Variants in YES1 observed in about 807,000 individuals in gnomAD.
YES1 encodes the protein tyrosine-protein kinase Yes.
Under a neutral mutation model 70.4 loss-of-function variants are expected in YES1, and 39 were observed. The observed-to-expected ratio is 0.55, with a 90% CI of 0.43 to 0.72. The LOEUF is 0.72. Ranked by LOEUF, YES1 falls within the 30% of genes least tolerant of loss-of-function variation. The pLI, the probability that YES1 is intolerant of heterozygous loss-of-function variation, is 0.00. For synonymous variants in YES1, 198 were observed against 218.6 expected (o/e 0.91, Z 0.83); for missense variants, 495 against 644.8 (o/e 0.77, Z 2.52).
chr18:806,493 A>T (rs1483998418), intron 1 of YES1, among the ~76,000 whole-genome samples: 2 of 152,230 alleles, frequency 1.3e-5, no homozygotes, highest in African/African-American at 4.8e-5. Flanking sequence ...TACTCAAAAG[A>T]TTTGTTTTGT....
In YES1 at chr18:757,319, C is replaced by T. The variant is rs369941496; in HGVS notation, c.-8-484G>A. On this transcript the variant is annotated intron_variant, in intron 1 of 11. Transcript: ENST00000314574. ...GAGATTGAGACCATCCTGGCTAACA[C>T]GGTGAAACCCCGCCTCTACTAAAAA... Among the ~76,000 whole-genome samples, 628 of 151,638 alleles carry T rather than the reference C, an allele frequency of 4.1e-3. 3 individuals carry two copies. The highest frequency in any genetic ancestry group is 0.028 in the Middle Eastern group (8 of 290).
intron 2 of YES1, 33 bp downstream of exon 2, chr18:756,524 A>G: frequency 2.5e-6 from 4 of 1,611,308 alleles, no homozygotes; most frequent in East Asian, 2.2e-5. Flanking sequence ...GATGTTCTCA[A>G]ACAGACAACA....
rs1440418777 is a variant in YES1, at chr18:723,628, T to C, written c.*796A>G. 2.0e-5 allele frequency: 3 copies of C among 152,670 alleles called. No homozygotes were observed. The highest frequency in any genetic ancestry group is 7.2e-5 in the African/African-American group (3 of 41,462). The allele number at this position is 152,670 out of a possible 1,614,324, so 9.5% of individuals were successfully genotyped here. A position where few individuals can be genotyped will look rare whatever the true frequency, so the allele number is the denominator to read the frequency against. On this transcript the variant is annotated 3_prime_UTR_variant, in exon 12 of 12. Coordinates refer to ENST00000314574, the MANE Select transcript of YES1 (RefSeq NM_005433.4). ...AAAGATCAAAACATTTCCCCTTTGA[T>C]TGGACAGTAGTTTCAATTATATATT...
intron 1 of YES1, among the ~76,000 whole-genome samples, chr18:805,695 A>G (rs889898699): frequency 6.6e-6 from 1 of 152,200 alleles, no homozygotes; most frequent in African/African-American, 2.4e-5. Flanking sequence ...TGCTCCTTCC[A>G]AATGTCTGGC....
chr18:729,795 T>A (rs1429206104), intron 11 of YES1, among the ~76,000 whole-genome samples: 1 of 151,838 alleles, frequency 6.6e-6, no homozygotes, highest in Non-Finnish European at 1.5e-5. Context: ...GCTGGCTAAT[T>A]TTTGTATTTT....
intron 11 of YES1, among the ~76,000 whole-genome samples, chr18:731,696 G>A (rs1361635276): frequency 2.0e-5 from 3 of 152,058 alleles, no homozygotes; most frequent in Admixed American, 6.6e-5. Flanking sequence ...GGCCAGGCAC[G>A]GTGGCTCACG....
chr18:792,585 G>GTATATACA (rs1568216947), intron 1 of YES1, among the ~76,000 whole-genome samples: 1 of 140,150 alleles, frequency 7.1e-6, no homozygotes, highest in Admixed American at 7.3e-5. Context: ...GTGTGTGTGT[G>GTATATACA]TATATACATA....
chr18:808,175 C>T (rs1225280951), intron 1 of YES1, among the ~76,000 whole-genome samples: 1 of 152,180 alleles, frequency 6.6e-6, no homozygotes, highest in African/African-American at 2.4e-5. Context: ...TCTGCTAGTT[C>T]CAAGACAACA....
chr18:776,610 TC>T (rs1202141067), intron 1 of YES1, among the ~76,000 whole-genome samples: 2 of 152,148 alleles, frequency 1.3e-5, no homozygotes, highest in Non-Finnish European at 2.9e-5. Context: ...TACTCCTGTA[TC>T]CCCAGAACCT....
Position 747,937 on chromosome 18 carries a change from A to C in YES1, c.453T>G (p.Asp151Glu). Residue 151 changes from aspartate (D) to glutamate (E), a missense_variant, in exon 4 of 12, where the codon GAT becomes GAG. Asp to Glu is a conservative substitution (Grantham distance 45, BLOSUM62 2). Transcript: ENST00000314574. ...TGCCATACTCTTCTGCCTGAATGGA[A>C]TCTGCAGGCGCTACATAATTGCTCG... Reference protein sequence around the residue: ...YIPSNYVAPADSIQAEEWYFG... With the variant: ...YIPSNYVAPAESIQAEEWYFG... The C allele has an allele frequency of 6.2e-7, 1 of 1,613,520 alleles. No individual in the cohort carries two copies. The highest frequency in any genetic ancestry group is 8.5e-7 in the Non-Finnish European group (1 of 1,179,830).
intron 3 of YES1, among the ~76,000 whole-genome samples, chr18:749,692 A>G (rs891314113): frequency 4.8e-5 from 7 of 144,574 alleles, no homozygotes; most frequent in African/African-American, 1.6e-4. Flanking sequence ...CGTCTCTACT[A>G]AAAAAAAAAC....
intron 6 of YES1, 102 bp downstream of exon 6, chr18:745,606 G>A: frequency 8.7e-7 from 1 of 1,144,672 alleles, no homozygotes; most frequent in East Asian, 2.3e-5. Flanking sequence ...TGTATTATGT[G>A]TAAATAAGTG....
intron 1 of YES1, among the ~76,000 whole-genome samples, chr18:769,954 GTTC>G (rs1297907082): frequency 1.5e-5 from 2 of 130,966 alleles, no homozygotes; most frequent in Admixed American, 8.1e-5. Flanking sequence ...TTCTCTTCCT[GTTC>G]TTTTTTTTTT....
chr18:811,887 T>G (rs1317425412), intron 1 of YES1, among the ~76,000 whole-genome samples: 1 of 152,014 alleles, frequency 6.6e-6, no homozygotes, highest in Non-Finnish European at 1.5e-5. Flanking sequence ...CCGGCAGGTC[T>G]GGACAGGGCA....
chr18:801,820 T>C (rs950895034), intron 1 of YES1, among the ~76,000 whole-genome samples: 1 of 152,216 alleles, frequency 6.6e-6, no homozygotes, highest in African/African-American at 2.4e-5. Flanking sequence ...TGTTTCTTTA[T>C]TCTTTTGATG....
At chr18:810,965 T>C (rs1488519368) in intron 1 of YES1, among the ~76,000 whole-genome samples, 1 of 152,182 alleles carries the variant, frequency 6.6e-6, no homozygotes, top group African/African-American at 2.4e-5. Flanking sequence ...AGTTAAGATA[T>C]TAGATTTACC....
chr18:729,619 C>CTTTTTTTTTTTTTTT (rs869223956), intron 11 of YES1, among the ~76,000 whole-genome samples: 2 of 75,384 alleles, frequency 2.7e-5, no homozygotes, highest in Non-Finnish European at 4.6e-5. Flanking sequence ...TGATTTTGAA[C>CTTTTTTTTTTTTTTT]TTTTTTTTTT....
At chr18:727,903 A>G (rs2080040807) in intron 11 of YES1, among the ~76,000 whole-genome samples, 1 of 152,168 alleles carries the variant, frequency 6.6e-6, no homozygotes, top group African/African-American at 2.4e-5. Context: ...TCCTGCGTAG[A>G]TAATATATAG....
intron 6 of YES1, 97 bp from the exon 7 acceptor site, chr18:743,512 A>C: frequency 9.6e-7 from 1 of 1,038,118 alleles, no homozygotes; most frequent in Non-Finnish European, 1.3e-6. Flanking sequence ...GAAAAACAAA[A>C]ACAGAAGTCC....
Sources: allele counts gnomAD v4.1 joint callset (sites outside exome capture counted in the v4.1 genomes callset), GRCh38; gene constraint gnomAD v4.1.1; transcripts MANE v1.5; gene names NCBI Gene and HGNC (gene_info 2026-07-23, HGNC 2026-07-21).